ABCA12: variants seen among roughly 807,000 people sequenced by gnomAD.
The protein encoded by ABCA12 is ATP binding cassette subfamily A member 12.
In ABCA12, 156 loss-of-function variants were observed where a neutral mutation model predicts 293.5. That is an observed-to-expected ratio of 0.53 (90% confidence interval 0.47 to 0.61). The LOEUF is 0.61. Among genes scored for constraint, ABCA12 ranks in the 20% least tolerant of loss-of-function variants. ABCA12 has a pLI of 0.00. For missense variants in ABCA12, 2,797 were observed against 3,090.2 expected, an observed-to-expected ratio of 0.91 and a Z score of 2.25; for synonymous variants, 1,063 against 1,108.0, an observed-to-expected ratio of 0.96 and a Z score of 0.81.
intron 1 of ABCA12, among the ~76,000 whole-genome samples, chr2:215,132,843 C>T (rs562201568): frequency 3.9e-5 from 6 of 152,022 alleles, no homozygotes; most frequent in African/African-American, 1.4e-4. Context: ...GAGCTTTGTA[C>T]TTATGTATCT....
rs571075475 is a variant in ABCA12, at chr2:215,032,752, A to C, written c.986-856T>G. ...TTTCCCTTCTCTTCAGACTCTACTC[A>C]TTCCTTATAAATAATCCAGTATGTC... On this transcript the variant is annotated intron_variant, in intron 8 of 52. Coordinates refer to ENST00000272895, the MANE Select transcript of ABCA12 (RefSeq NM_173076.3). 3.3e-5 allele frequency among the ~76,000 whole-genome samples: 5 copies of C among 152,294 alleles called. No individual in the cohort carries two copies. The South Asian group carries it at 6.2e-4, about 19-fold the overall frequency.
At chr2:215,021,396 A>T (rs1385032079) in intron 11 of ABCA12, among the ~76,000 whole-genome samples, 2 of 152,228 alleles carry the variant, frequency 1.3e-5, no homozygotes, top group Non-Finnish European at 2.9e-5. Context: ...CGGAGGAAAA[A>T]GAGGAAAATG....
intron 28 of ABCA12, 101 bp downstream of exon 28, chr2:214,986,441 A>T: frequency 8.7e-7 from 1 of 1,146,938 alleles, no homozygotes; most frequent in Non-Finnish European, 1.3e-6. Flanking sequence ...TGGGAAATGT[A>T]ATAACTTTAT....
At chr2:214,957,450 G>T (rs6733031) in intron 41 of ABCA12, among the ~76,000 whole-genome samples, 25 of 152,172 alleles carry the variant, frequency 1.6e-4, no homozygotes, top group African/African-American at 6.0e-4. Context: ...CTTCACAGAA[G>T]TATGTACTTG....
At chr2:215,084,720 A>G (rs777770927) in intron 2 of ABCA12, among the ~76,000 whole-genome samples, 4 of 152,132 alleles carry the variant, frequency 2.6e-5, no homozygotes, top group Non-Finnish European at 4.4e-5. Flanking sequence ...GGGTCAATTT[A>G]CCTTACTGGC....
rs143283411 is a variant in ABCA12, at chr2:214,990,914, T to C, written c.3412A>G (p.Ile1138Val). ...ATGAACCCATTTGTTTTAGGAAGAA[T>C]ATTGCCAAACTTGAGTATAATGATG... ...ILIIILKFGN[I>V]LPKTNGFILF... is the part of the protein sequence containing the mutation. Residue 1138 changes from isoleucine (I) to valine (V), a missense_variant, in exon 24 of 53, where the codon ATT becomes GTT. Around this residue, in one of 3 missense-constraint regions of ABCA12, gnomAD observed 2,130 missense variants for 2,427.0 expected, o/e 0.88. Transcript: ENST00000272895. 1.2e-6 allele frequency: 2 copies of C among 1,613,794 alleles called. No homozygotes were observed. The highest frequency in any genetic ancestry group is 2.7e-5 in the African/African-American group (2 of 74,858).
chr2:214,992,793 G>A (rs1487202724), intron 23 of ABCA12, among the ~76,000 whole-genome samples: 3 of 151,206 alleles, frequency 2.0e-5, no homozygotes, highest in African/African-American at 7.3e-5. Flanking sequence ...CCCAGGAGGT[G>A]GAGGTTGCAG....
At chr2:215,038,889 T>G (rs17429959) in intron 7 of ABCA12, 1 of 152,158 alleles carries the variant, frequency 6.6e-6, no homozygotes, top group Non-Finnish European at 1.5e-5. Flanking sequence ...TGGGCTTCCA[T>G]CTTCTCTGAA....
At chr2:215,052,352 A>T in intron 5 of ABCA12, 135 bp downstream of exon 5, 1 of 715,124 alleles carries the variant, frequency 1.4e-6, no homozygotes. Context: ...AGGGTTCCTA[A>T]GAAAAGAAGT....
Position 215,025,675 on chromosome 2 carries a change from T to G in ABCA12, c.1285A>C (p.Lys429Gln). 1 of 1,595,066 alleles carries G rather than the reference T, an allele frequency of 6.3e-7. No individual in the cohort carries two copies. Among genetic ancestry groups the G allele is most frequent in the Non-Finnish European group, 8.5e-7 (1 of 1,170,886 alleles). Residue 429 changes from lysine (K) to glutamine (Q), a missense_variant and splice_region_variant, in exon 11 of 53, where the codon AAA becomes CAA. Lys to Gln is a moderately conservative substitution (Grantham distance 53). Around this residue, in one of 3 missense-constraint regions of ABCA12, gnomAD observed 656 missense variants for 638.2 expected, o/e 1.03. Transcript: ENST00000272895. ...FPPVPEVLKS[K>Q]LSQLRNLTEL... ...TTTTTTTTACTTTCATGGCTTACTT[T>G]TGATTTTAGGACTTCAGGAACTGGA...
At chr2:215,132,464 G>A (rs115701799) in intron 1 of ABCA12, among the ~76,000 whole-genome samples, 171 of 151,240 alleles carry the variant, frequency 1.1e-3, no homozygotes, top group African/African-American at 3.7e-3. Flanking sequence ...TCTTCTTGTT[G>A]TATTGAGCCT....
chr2:214,997,374 T>C (rs901395877), intron 23 of ABCA12, among the ~76,000 whole-genome samples: 1 of 152,200 alleles, frequency 6.6e-6, no homozygotes. Flanking sequence ...GTTATTGTTG[T>C]TATTTAAACT....
intron 1 of ABCA12, among the ~76,000 whole-genome samples, chr2:215,119,406 T>C: frequency 6.6e-6 from 1 of 152,202 alleles, no homozygotes; most frequent in Non-Finnish European, 1.5e-5. Context: ...GGGTACTTCC[T>C]AGATTTTCTT....
intron 23 of ABCA12, among the ~76,000 whole-genome samples, chr2:214,991,837 G>A (rs2105977830): frequency 6.6e-6 from 1 of 152,190 alleles, no homozygotes; most frequent in African/African-American, 2.4e-5. Context: ...AAAGGATTCT[G>A]AAAGATTTAA....
chr2:215,066,169 C>T (rs1701636073), intron 2 of ABCA12, among the ~76,000 whole-genome samples: 1 of 152,136 alleles, frequency 6.6e-6, no homozygotes, highest in African/African-American at 2.4e-5. Context: ...TAAAAGTCTG[C>T]AGTGGAGGTT....
intron 5 of ABCA12, among the ~76,000 whole-genome samples, chr2:215,051,702 T>G (rs1380925203): frequency 4.2e-5 from 5 of 119,028 alleles, no homozygotes; most frequent in Admixed American, 8.9e-5. Context: ...AGAGAGAGAA[T>G]AGTATCTCTA....
chr2:214,958,610 C>T (rs956132), intron 40 of ABCA12, among the ~76,000 whole-genome samples, 156 bp from the exon 41 acceptor site: 49,214 of 152,060 alleles, frequency 0.32, 8,953 homozygotes, highest in South Asian at 0.46. Context: ...ATATTTCCAA[C>T]GTGACTCTAC....
At chr2:214,953,267 G>A (rs1016879489) in intron 44 of ABCA12, among the ~76,000 whole-genome samples, 9 of 152,090 alleles carry the variant, frequency 5.9e-5, no homozygotes, top group African/African-American at 1.9e-4. Context: ...AATGAAGGAC[G>A]TTTATGTTGT....
chr2:215,019,588 C>T lies in ABCA12; in HGVS notation c.1496G>A (p.Arg499Lys). 6.2e-7 allele frequency: 1 copy of T among 1,614,188 alleles called. No homozygotes were observed. The highest frequency in any genetic ancestry group is 8.5e-7 in the Non-Finnish European group (1 of 1,180,034). Residue 499 changes from arginine to lysine, a missense_variant, in exon 12 of 53, where the codon AGA becomes AAA. By Grantham distance (26) the Arg-to-Lys change is conservative. This residue lies in a region of ABCA12 where 656 missense variants were observed against 638.2 expected (regional missense o/e 1.03). Transcript: ENST00000272895. ...YHDNVISKKV[R>K]DLLTGDPSKI... ...GCTTGGATCTCCAGTCAGCAAATCTCTCACTTTTTTAGATATGACATTGTC... is the reference window on the plus strand; with the variant it reads ...GCTTGGATCTCCAGTCAGCAAATCTTTCACTTTTTTAGATATGACATTGTC...
Sources: allele counts gnomAD v4.1 joint callset (sites outside exome capture counted in the v4.1 genomes callset), GRCh38; gene constraint gnomAD v4.1.1; regional missense constraint gnomAD v4.1.1; transcripts MANE v1.5; gene names NCBI Gene and HGNC (gene_info 2026-07-23, HGNC 2026-07-21).